Variants in SORCS2 observed in about 807,000 individuals in gnomAD.
The protein encoded by SORCS2 is sortilin related VPS10 domain containing receptor 2.
SORCS2 carries 100 observed loss-of-function variants against 141.6 expected under a neutral mutation model. That is an observed-to-expected ratio of 0.71 (90% CI 0.60 to 0.83). The LOEUF is 0.83. Ranked by LOEUF, SORCS2 falls within the 40% of genes least tolerant of loss-of-function variation. SORCS2 has a pLI of 0.00. For missense variants in SORCS2, 1,646 were observed against 1,560.2 expected (o/e 1.05, Z -0.93); for synonymous variants, 789 against 676.9 (o/e 1.17, Z -2.57).
chr4:7,463,138 C>T (rs988284618), intron 2 of SORCS2, among the ~76,000 whole-genome samples: 2 of 152,158 alleles, frequency 1.3e-5, no homozygotes, highest in Non-Finnish European at 2.9e-5. Flanking sequence ...GATAAAGGGG[C>T]AGTGGGCCAG....
At chr4:7,565,322 T>C (rs1482689390) in intron 3 of SORCS2, among the ~76,000 whole-genome samples, 1 of 152,192 alleles carries the variant, frequency 6.6e-6, no homozygotes, top group African/African-American at 2.4e-5. Flanking sequence ...AGCTGTGGGT[T>C]CCATCCTGAC....
At chr4:7,637,514 T>C (rs10212709) in intron 3 of SORCS2, among the ~76,000 whole-genome samples, 126,868 of 152,272 alleles carry the variant, frequency 0.83, 53,118 homozygotes, top group East Asian at 0.96. Flanking sequence ...TGGCAGAGGC[T>C]GTGAACCCTG....
At chr4:7,565,893 G>A (rs1176813091) in intron 3 of SORCS2, among the ~76,000 whole-genome samples, 1 of 150,378 alleles carries the variant, frequency 6.6e-6, no homozygotes, top group Non-Finnish European at 1.5e-5. Flanking sequence ...TGATGATGGT[G>A]GTGATAGTGA....
chr4:7,434,700 C>T lies in SORCS2; in HGVS notation c.548+38345C>T, dbSNP rs767793679. 10 of 1,613,034 alleles carry T rather than the reference C, an allele frequency of 6.2e-6. No individual in the cohort carries two copies. The South Asian group carries it at 9.9e-5, about 16-fold the overall frequency. ...CCTGGCATACGTCGCAGGGCAGAGA[C>T]TTCGCGGTGGGTTTGTTCCATACGG... On this transcript the variant is annotated intron_variant, in intron 2 of 26. Coordinates refer to ENST00000507866, the MANE Select transcript of SORCS2 (RefSeq NM_020777.3).
At chr4:7,608,621 C>A (rs1718206015) in intron 3 of SORCS2, among the ~76,000 whole-genome samples, 1 of 152,202 alleles carries the variant, frequency 6.6e-6, no homozygotes, top group South Asian at 2.1e-4. Context: ...ACAGGGCACT[C>A]AGTGACAGGG....
intron 3 of SORCS2, among the ~76,000 whole-genome samples, chr4:7,566,802 G>C (rs1381437975): frequency 6.6e-6 from 1 of 151,926 alleles, no homozygotes. Context: ...TGGGTATCTG[G>C]TGAATGCTTA....
intron 1 of SORCS2, among the ~76,000 whole-genome samples, chr4:7,332,929 C>T (rs1483325358): frequency 5.3e-5 from 8 of 152,180 alleles, no homozygotes; most frequent in South Asian, 4.2e-4. Flanking sequence ...TCTCTGTTTC[C>T]ACATCAGCAA....
At chr4:7,506,744 C>T (rs376844798) in intron 2 of SORCS2, among the ~76,000 whole-genome samples, 75 of 152,304 alleles carry the variant, frequency 4.9e-4, no homozygotes, top group African/African-American at 1.5e-3. Context: ...GCCCAATAAA[C>T]GTTGCCGGAG....
chr4:7,511,094 A>G (rs1732613645), intron 2 of SORCS2, among the ~76,000 whole-genome samples: 1 of 152,122 alleles, frequency 6.6e-6, no homozygotes, highest in Non-Finnish European at 1.5e-5. Flanking sequence ...AATGAGGGAG[A>G]GAATGGCTCA....
At chr4:7,600,104 G>A (rs1403995378) in intron 3 of SORCS2, among the ~76,000 whole-genome samples, 2 of 152,076 alleles carry the variant, frequency 1.3e-5, no homozygotes, top group Non-Finnish European at 2.9e-5. Flanking sequence ...TTACAGCCAT[G>A]AGCCACCACA....
intron 1 of SORCS2, among the ~76,000 whole-genome samples, chr4:7,262,886 T>A (rs1383944817): frequency 6.6e-6 from 1 of 152,196 alleles, no homozygotes; most frequent in African/African-American, 2.4e-5. Flanking sequence ...CAGACATTCT[T>A]GGGAAAATCA....
At chr4:7,685,087 G>A (rs185550195) in intron 10 of SORCS2, among the ~76,000 whole-genome samples, 4 of 152,320 alleles carry the variant, frequency 2.6e-5, no homozygotes, top group East Asian at 1.9e-4. Context: ...TTGTAAAAAC[G>A]CTTCCCAGAA....
In SORCS2 at chr4:7,726,784, T is replaced by G; in HGVS notation, c.2750T>G (p.Leu917Arg). ...YWWIGHSLQPLLSLDNSVTTR... is the reference protein window; with the variant it reads ...YWWIGHSLQPRLSLDNSVTTR... ...AGCCCTGCTGTGCCCCTGCAGCCCC[T>G]CCTTTCCCTGGATAATTCTGTGACA... Residue 917 changes from leucine (L) to arginine (R), a missense_variant, in exon 21 of 27, where the codon CTC becomes CGC. By Grantham distance (102) the Leu-to-Arg change is moderately radical. Coordinates refer to ENST00000507866, the MANE Select transcript of SORCS2 (RefSeq NM_020777.3). The G allele has an allele frequency of 6.2e-7, 1 of 1,613,290 alleles. No homozygotes were observed. Among genetic ancestry groups the G allele is most frequent in the Non-Finnish European group, 8.5e-7 (1 of 1,179,646 alleles).
At chr4:7,581,471 C>T (rs951831302) in intron 3 of SORCS2, among the ~76,000 whole-genome samples, 2 of 152,104 alleles carry the variant, frequency 1.3e-5, no homozygotes, top group Non-Finnish European at 2.9e-5. Flanking sequence ...CCACAGTAGA[C>T]CCCATCCCAG....
chr4:7,426,529 GC>G (rs1726449748), intron 2 of SORCS2, among the ~76,000 whole-genome samples: 1 of 152,172 alleles, frequency 6.6e-6, no homozygotes, highest in Non-Finnish European at 1.5e-5. Flanking sequence ...CTTGAGACCA[GC>G]CTGAGCAATG....
At chr4:7,342,007 A>C (rs1577421517) in intron 1 of SORCS2, among the ~76,000 whole-genome samples, 2 of 152,248 alleles carry the variant, frequency 1.3e-5, no homozygotes, top group African/African-American at 2.4e-5. Flanking sequence ...AGGTCCAGTC[A>C]CGTCATACCA....
In SORCS2 at chr4:7,542,993, G is replaced by A. The variant is rs138409298; in HGVS notation, c.648+11364G>A. On this transcript the variant is annotated intron_variant, in intron 3 of 26. Transcript: ENST00000507866. ...AGGCCATTTGCAGGAGGGAGAAGAT[G>A]GTCCTCTTGATGGAGGAGTGGCCTA... 9.5e-4 allele frequency among the ~76,000 whole-genome samples: 145 copies of A among 152,346 alleles called. 1 individual carries two copies. Among genetic ancestry groups the A allele is most frequent in the African/African-American group, 2.8e-3 (115 of 41,590 alleles).
intron 3 of SORCS2, among the ~76,000 whole-genome samples, chr4:7,607,262 G>C (rs985117012): frequency 1.3e-5 from 2 of 152,158 alleles, no homozygotes; most frequent in African/African-American, 4.8e-5. Flanking sequence ...AAAAATATGT[G>C]TTCAGCATTT....
intron 1 of SORCS2, among the ~76,000 whole-genome samples, chr4:7,200,622 G>A (rs2108859372): frequency 6.6e-6 from 1 of 152,344 alleles, no homozygotes; most frequent in East Asian, 1.9e-4. Flanking sequence ...CCCAGCCCAA[G>A]AACCTCACCG....
Sources: gnomAD v4.1 joint callset for allele counts (sites outside exome capture counted in the v4.1 genomes callset) on GRCh38, gnomAD v4.1.1 for gene constraint, MANE v1.5 for transcripts, NCBI Gene and HGNC (gene_info 2026-07-23, HGNC 2026-07-21) for gene names.